The following BMERB1 variants were observed in gnomAD, a reference collection of about 807,000 sequenced individuals.
The protein encoded by BMERB1 is bMERB domain containing 1, also known as bMERB domain-containing protein 1.
A neutral mutation model predicts 23.6 loss-of-function variants in BMERB1; 12 were observed. The ratio of observed to expected loss-of-function variants is 0.51; its 90% CI spans 0.33 to 0.82. BMERB1 has a LOEUF of 0.82. BMERB1 is among the 40% of genes least tolerant of loss of function. BMERB1 has a pLI of 0.03. For missense variants in BMERB1, 247 were observed against 255.4 expected (o/e 0.97, Z 0.22); for synonymous variants, 122 against 96.6 (o/e 1.26, Z -1.54).
chr16:15,523,398 C>T (rs1186603295), intron 2 of BMERB1, among the ~76,000 whole-genome samples: 1 of 152,122 alleles, frequency 6.6e-6, no homozygotes, highest in Non-Finnish European at 1.5e-5. Context: ...AACAAAAATG[C>T]CTGTCCTCAC....
Position 15,434,738 on chromosome 16 carries a change from AAAAC to A in BMERB1, c.86_89del (p.Lys29ArgfsTer19). 4 of 1,450,552 alleles carry A rather than the reference AAAAC, an allele frequency of 2.8e-6. No homozygotes were observed. The highest frequency in any genetic ancestry group is 3.8e-6 in the Non-Finnish European group (4 of 1,065,472). 89.9% of individuals were successfully genotyped at this position (1,450,552 alleles called of 1,614,324 possible). A position where few individuals can be genotyped will look rare whatever the true frequency, so the allele number is the denominator to read the frequency against. ...TGGGGCGGTGGAGGAGACGGCTTGG[AAAAC>A]GGAGAGACTGGGGAGAAGTGAGTAC... is the stretch of plus-strand genomic sequence containing the variant. On this transcript the variant is annotated frameshift_variant, in exon 1 of 6. Coordinates refer to ENST00000300006, the MANE Select transcript of BMERB1 (RefSeq NM_033201.3). LOFTEE classifies it high-confidence loss of function.
Position 15,587,614 on chromosome 16 carries a change from G to C in BMERB1, c.*785G>C. The C allele has an allele frequency of 2.3e-6, 1 of 430,664 alleles. No individual in the cohort carries two copies. The highest frequency in any genetic ancestry group is 1.6e-5 in the South Asian group (1 of 62,036). The allele number at this position is 430,664 out of a possible 1,614,324, so 26.7% of individuals were successfully genotyped here. A position where few individuals can be genotyped will look rare whatever the true frequency, so the allele number is the denominator to read the frequency against. On this transcript the variant is annotated 3_prime_UTR_variant, in exon 6 of 6. Transcript: ENST00000300006. ...CCAGAGCAGTTGAGAATGGGACCCA[G>C]AGTAGATGCTGACCTGGGCACTCCA...
At chr16:15,558,214 A>G (rs1319192701) in intron 2 of BMERB1, among the ~76,000 whole-genome samples, 2 of 152,064 alleles carry the variant, frequency 1.3e-5, no homozygotes, top group African/African-American at 4.8e-5. Flanking sequence ...AATCGCTGTT[A>G]TGATGGATTT....
At chr16:15,532,527 CTTTTTTTTTTCTTTTTCT>C (rs1216751696) in intron 2 of BMERB1, among the ~76,000 whole-genome samples, 1 of 137,878 alleles carries the variant, frequency 7.3e-6, no homozygotes. Context: ...TATGCCCGGC[CTTTTTTTTTTCTTTTTCT>C]TTTTTTTTTT....
chr16:15,532,240 GT>G (rs60785238), intron 2 of BMERB1, among the ~76,000 whole-genome samples: 7,010 of 149,708 alleles, frequency 0.047, 521 homozygotes, highest in African/African-American at 0.15. Flanking sequence ...TGTTTTTTTT[GT>G]TTTTTTTTGA....
Position 15,586,868 on chromosome 16 carries a change from C to G in BMERB1, c.*39C>G. Reference sequence around the variant, plus strand: ...TGCCCTGGGCCATGGGGACCCCCCCCCACCCTCTTGTCTTTATAGCCCCCA... The same window carrying G: ...TGCCCTGGGCCATGGGGACCCCCCCGCACCCTCTTGTCTTTATAGCCCCCA... On this transcript the variant is annotated 3_prime_UTR_variant, in exon 6 of 6. Transcript: ENST00000300006. 5 of 1,332,784 alleles carry G rather than the reference C, an allele frequency of 3.8e-6. No homozygotes were observed. The highest frequency in any genetic ancestry group is 5.2e-6 in the Non-Finnish European group (5 of 963,392). 82.6% of individuals were successfully genotyped at this position (1,332,784 alleles called of 1,614,324 possible). A position where few individuals can be genotyped will look rare whatever the true frequency, so the allele number is the denominator to read the frequency against.
chr16:15,502,536 T>C (rs1040425470), intron 1 of BMERB1, among the ~76,000 whole-genome samples: 1 of 152,142 alleles, frequency 6.6e-6, no homozygotes, highest in Non-Finnish European at 1.5e-5. Flanking sequence ...ATTCACGTTA[T>C]AGCAAGAAGG....
intron 1 of BMERB1, among the ~76,000 whole-genome samples, chr16:15,511,824 C>G (rs1419935026): frequency 1.3e-5 from 2 of 151,910 alleles, no homozygotes; most frequent in East Asian, 3.9e-4. Context: ...CCAGCCTGGC[C>G]AAAATGGCGA....
chr16:15,527,128 A>G (rs545256549), intron 2 of BMERB1, among the ~76,000 whole-genome samples: 5 of 152,058 alleles, frequency 3.3e-5, no homozygotes, highest in Non-Finnish European at 5.9e-5. Flanking sequence ...GTACAGTTCT[A>G]TGTCATTAAG....
At chr16:15,506,544 C>T (rs150906389) in intron 1 of BMERB1, among the ~76,000 whole-genome samples, 6 of 152,178 alleles carry the variant, frequency 3.9e-5, no homozygotes, top group Admixed American at 6.5e-5. Flanking sequence ...ACTGACCTCT[C>T]GGCCTTCCAG....
At chr16:15,438,462 C>CTTT (rs1241217450) in intron 1 of BMERB1, among the ~76,000 whole-genome samples, 35 of 116,132 alleles carry the variant, frequency 3.0e-4, no homozygotes, top group Non-Finnish European at 5.6e-4. Context: ...ATTTTCTAGA[C>CTTT]TATTTTTTTT....
At chr16:15,482,958 G>A (rs185787051) in intron 1 of BMERB1, among the ~76,000 whole-genome samples, 8 of 151,906 alleles carry the variant, frequency 5.3e-5, no homozygotes, top group Non-Finnish European at 7.4e-5. Flanking sequence ...ACACACACAC[G>A]CGCGTAAAAC....
intron 3 of BMERB1, among the ~76,000 whole-genome samples, chr16:15,579,398 G>A (rs530572778): frequency 3.3e-5 from 5 of 152,208 alleles, no homozygotes; most frequent in African/African-American, 9.6e-5. Context: ...AATGGGGAGC[G>A]GCTGGCAAGC....
At chr16:15,464,069 T>C (rs1277879267) in intron 1 of BMERB1, among the ~76,000 whole-genome samples, 1 of 151,966 alleles carries the variant, frequency 6.6e-6, no homozygotes, top group Non-Finnish European at 1.5e-5. Flanking sequence ...TCTCAGCAGT[T>C]TGGGAGGCCG....
At chr16:15,452,564 T>C (rs1254668734) in intron 1 of BMERB1, among the ~76,000 whole-genome samples, 1 of 152,124 alleles carries the variant, frequency 6.6e-6, no homozygotes, top group African/African-American at 2.4e-5. Context: ...AGTCCATTTC[T>C]GTTGCTTGCA....
chr16:15,443,288 C>T (rs576949999), intron 1 of BMERB1, among the ~76,000 whole-genome samples: 38 of 151,524 alleles, frequency 2.5e-4, no homozygotes, highest in Non-Finnish European at 4.1e-4. Flanking sequence ...TGCGGTGGCT[C>T]TCATGTGTAA....
chr16:15,528,674 G>A (rs2051934447), intron 2 of BMERB1, among the ~76,000 whole-genome samples: 3 of 151,228 alleles, frequency 2.0e-5, no homozygotes, highest in Non-Finnish European at 4.4e-5. Flanking sequence ...TGTTTGTGAT[G>A]TTCCCTCTGC....
chr16:15,549,218 A>T (rs940001391), intron 2 of BMERB1, among the ~76,000 whole-genome samples: 2 of 152,042 alleles, frequency 1.3e-5, no homozygotes, highest in Non-Finnish European at 2.9e-5. Flanking sequence ...TGGTGCCTGT[A>T]ATCCCAGCTA....
In BMERB1 at chr16:15,455,384, A is replaced by G. The variant is rs1368026111; in HGVS notation, c.106+20625A>G. Among the ~76,000 whole-genome samples, 4 of 151,648 alleles carry G rather than the reference A, an allele frequency of 2.6e-5. No homozygotes were observed. The East Asian group carries it at 7.7e-4, about 29-fold the overall frequency. Reference sequence around the variant, plus strand: ...ACCCAACAGTGTGTTGGGTATGACAACTACTAGTGTGTCCAGCCATCCTGG... The same window carrying G: ...ACCCAACAGTGTGTTGGGTATGACAGCTACTAGTGTGTCCAGCCATCCTGG... On this transcript the variant is annotated intron_variant, in intron 1 of 5. Transcript: ENST00000300006.
Sources: gnomAD v4.1 joint callset for allele counts (sites outside exome capture counted in the v4.1 genomes callset) on GRCh38, gnomAD v4.1.1 for gene constraint, MANE v1.5 for transcripts, NCBI Gene and HGNC (gene_info 2026-07-23, HGNC 2026-07-21) for gene names.